ME3: variants seen among roughly 807,000 people sequenced by gnomAD.
ME3 encodes the protein malic enzyme 3.
ME3 carries 48 observed loss-of-function variants against 68.9 expected under a neutral mutation model. That is an observed-to-expected ratio of 0.70 (90% CI 0.55 to 0.89). The LOEUF is 0.89. Ranked by LOEUF, ME3 falls within the 40% of genes least tolerant of loss-of-function variation. The pLI, the probability that ME3 is intolerant of heterozygous loss-of-function variation, is 0.00. For missense variants in ME3, 675 were observed against 797.4 expected, an observed-to-expected ratio of 0.85 and a Z score of 1.85; for synonymous variants, 320 against 318.8, an observed-to-expected ratio of 1.00 and a Z score of -0.04.
At position 86,458,246 on chromosome 11, in the gene ME3, G is replaced by A. The variant is rs374286390; in HGVS notation, c.919+6845C>T. Among the ~76,000 whole-genome samples the A allele has an allele frequency of 2.0e-5, 3 of 152,346 alleles. 1 individual carries two copies. Among genetic ancestry groups the A allele is most frequent in the African/African-American group, 7.2e-5 (3 of 41,582 alleles). Reference sequence around the variant, plus strand: ...ATAAATAAAGACAAATAAAAGTCTTGTTCTCAAATAAAACTCTCAAGGAGT... The same window carrying A: ...ATAAATAAAGACAAATAAAAGTCTTATTCTCAAATAAAACTCTCAAGGAGT... On this transcript the variant is annotated intron_variant, in intron 8 of 14. Coordinates refer to ENST00000543262, the Ensembl canonical transcript of ME3.
chr11:86,468,636 T>G (rs1950614201), intron 7 of ME3, among the ~76,000 whole-genome samples: 1 of 152,178 alleles, frequency 6.6e-6, no homozygotes, highest in East Asian at 1.9e-4. Context: ...AAGAGAAAAT[T>G]TCAAAGTGGA....
intron 7 of ME3, among the ~76,000 whole-genome samples, chr11:86,479,261 C>T (rs1356177257): frequency 6.6e-6 from 1 of 152,212 alleles, no homozygotes; most frequent in Non-Finnish European, 1.5e-5. Flanking sequence ...AGCGGCCCCA[C>T]TTTGGATTTA....
At chr11:86,667,736 G>T (rs1240554165) in intron 2 of ME3, 3 of 152,048 alleles carry the variant, frequency 2.0e-5, no homozygotes, top group Non-Finnish European at 4.4e-5. Flanking sequence ...GGAATAGGAC[G>T]GCTCTTCCTA....
At chr11:86,617,932 T>C (rs1943081083) in intron 2 of ME3, among the ~76,000 whole-genome samples, 2 of 152,042 alleles carry the variant, frequency 1.3e-5, no homozygotes, top group African/African-American at 4.8e-5. Context: ...TAAACTGCAG[T>C]CAAAGACTAT....
intron 2 of ME3, among the ~76,000 whole-genome samples, chr11:86,560,726 ATGTGTGTGTGTGTGTGTGTGTG>A (rs763026313): frequency 9.4e-6 from 1 of 106,064 alleles, no homozygotes; most frequent in African/African-American, 3.9e-5. Flanking sequence ...GTGTGTGTGT[ATGTGTGTGTGTGTGTGTGTGTG>A]TATATATATA....
At chr11:86,567,917 T>C (rs1400715702) in intron 2 of ME3, among the ~76,000 whole-genome samples, 2 of 152,160 alleles carry the variant, frequency 1.3e-5, no homozygotes, top group Non-Finnish European at 2.9e-5. Context: ...CAGATGCTTG[T>C]TCTGTGTATG....
At chr11:86,450,494 G>C in intron 8 of ME3, 96 bp from the exon 9 acceptor site, 1 of 984,662 alleles carries the variant, frequency 1.0e-6, no homozygotes, top group Non-Finnish European at 1.6e-6. Flanking sequence ...GGACTGTGGA[G>C]GAACAGGCAA....
intron 2 of ME3, among the ~76,000 whole-genome samples, chr11:86,626,281 C>T (rs1398908559): frequency 6.6e-6 from 1 of 152,178 alleles, no homozygotes; most frequent in African/African-American, 2.4e-5. Flanking sequence ...AAGAAACTGG[C>T]TCCTTTCTGT....
intron 4 of ME3, among the ~76,000 whole-genome samples, chr11:86,526,756 G>C (rs1954785419): frequency 6.6e-6 from 1 of 152,186 alleles, no homozygotes; most frequent in Non-Finnish European, 1.5e-5. Context: ...CAGGCGAACA[G>C]GGTCTGGAGT....
intron 12 of ME3, 91 bp downstream of exon 12, chr11:86,446,974 G>A (rs758718450): frequency 4.6e-5 from 67 of 1,464,174 alleles, no homozygotes; most frequent in East Asian, 1.6e-4. Context: ...GCTCATCAGC[G>A]ATGTAGGAGT....
At chr11:86,590,302 AAGAG>A (rs1958985221) in intron 2 of ME3, among the ~76,000 whole-genome samples, 1 of 152,186 alleles carries the variant, frequency 6.6e-6, no homozygotes, top group Admixed American at 6.5e-5. Flanking sequence ...GGACATGAGA[AAGAG>A]AGAGTGCCTT....
chr11:86,661,308 G>A (rs1202233046), intron 2 of ME3, among the ~76,000 whole-genome samples: 1 of 152,238 alleles, frequency 6.6e-6, no homozygotes, highest in African/African-American at 2.4e-5. Flanking sequence ...AGGTGACCCT[G>A]GAGATGCTGA....
chr11:86,495,902 G>C (rs1443664541), intron 6 of ME3, among the ~76,000 whole-genome samples: 1 of 152,078 alleles, frequency 6.6e-6, no homozygotes, highest in Non-Finnish European at 1.5e-5. Flanking sequence ...TGGAACCAAG[G>C]TCCCTGGCTT....
At chr11:86,462,578 G>A (rs1950275049) in intron 8 of ME3, 2 of 1,284,300 alleles carry the variant, frequency 1.6e-6, no homozygotes, top group Non-Finnish European at 2.0e-6. Flanking sequence ...GAACAGGTGG[G>A]TGTGCTTATG....
At chr11:86,536,662 A>G (rs986966903) in intron 4 of ME3, among the ~76,000 whole-genome samples, 5 of 146,294 alleles carry the variant, frequency 3.4e-5, no homozygotes, top group Non-Finnish European at 7.5e-5. Flanking sequence ...ATGTGGAGAA[A>G]TAGGAACACT....
At chr11:86,647,084 C>A (rs1033818879) in intron 2 of ME3, among the ~76,000 whole-genome samples, 21 of 152,164 alleles carry the variant, frequency 1.4e-4, no homozygotes, top group Non-Finnish European at 2.4e-4. Flanking sequence ...CTGGTACCAG[C>A]CACTGCAAAA....
chr11:86,438,442 T>C (rs1360150957), downstream of ME3, among the ~76,000 whole-genome samples: 1 of 152,180 alleles, frequency 6.6e-6, no homozygotes, highest in East Asian at 1.9e-4. Flanking sequence ...CCTGTACTTT[T>C]CTTGTGATAT....
chr11:86,455,238 GA>G (rs1949848975), intron 8 of ME3, among the ~76,000 whole-genome samples: 1 of 152,238 alleles, frequency 6.6e-6, no homozygotes, highest in Admixed American at 6.5e-5. Flanking sequence ...GAAGACAGAT[GA>G]ATCAAACATG....
chr11:86,597,780 T>G (rs895040591), intron 2 of ME3, among the ~76,000 whole-genome samples: 2 of 151,804 alleles, frequency 1.3e-5, no homozygotes, highest in Non-Finnish European at 2.9e-5. Context: ...CCAAAGTGGT[T>G]GGGGTACAGC....
Sources: gnomAD v4.1 joint callset for allele counts (sites outside exome capture counted in the v4.1 genomes callset) on GRCh38, gnomAD v4.1.1 for gene constraint, MANE v1.5 for transcripts, NCBI Gene and HGNC (gene_info 2026-07-23, HGNC 2026-07-21) for gene names.